Variants in NCKAP5 observed in about 807,000 individuals in gnomAD.
NCKAP5 encodes the protein nck-associated protein 5.
In NCKAP5, 92 loss-of-function variants were observed where a neutral mutation model predicts 167.0. The observed-to-expected ratio is 0.55, with a 90% CI of 0.47 to 0.66. The LOEUF is 0.66. Among genes scored for constraint, NCKAP5 ranks in the 30% least tolerant of loss-of-function variants. The pLI is 0.00. For missense variants in NCKAP5, 2,378 were observed against 2,315.0 expected, an observed-to-expected ratio of 1.03 and a Z score of -0.56; for synonymous variants, 891 against 877.4, an observed-to-expected ratio of 1.02 and a Z score of -0.27.
At chr2:133,631,733 G>A in the NCKAP5 span, among the ~76,000 whole-genome samples, 1 of 152,188 alleles carries the variant, frequency 6.6e-6, no homozygotes, top group Admixed American at 6.5e-5. Flanking sequence ...AGGTAGACTA[G>A]TCCCCTGCAG....
rs183300306 is a variant in NCKAP5, at chr2:132,815,371, C to G, written c.808-18642G>C. Among the ~76,000 whole-genome samples the G allele has an allele frequency of 1.4e-3, 215 of 152,246 alleles. 1 individual carries two copies. The highest frequency in any genetic ancestry group is 4.9e-3 in the African/African-American group (204 of 41,542). On this transcript the variant is annotated intron_variant, in intron 11 of 19. Coordinates refer to ENST00000409261, the MANE Select transcript of NCKAP5 (RefSeq NM_207363.3). ...TATGGGGAAGTTCAGATTCCCAAGA[C>G]TAATTATTATTGTAAAATTAAGGGT...
At chr2:133,670,674 C>A in the NCKAP5 span, among the ~76,000 whole-genome samples, 1 of 152,142 alleles carries the variant, frequency 6.6e-6, no homozygotes, top group African/African-American at 2.4e-5. Context: ...TATAGGGACT[C>A]CATTTCATCA....
chr2:133,252,583 C>T (rs1368151783), intron 4 of NCKAP5, among the ~76,000 whole-genome samples: 1 of 152,132 alleles, frequency 6.6e-6, no homozygotes, highest in Non-Finnish European at 1.5e-5. Context: ...CCCTTTTAAA[C>T]TCCAATGGCA....
intron 3 of NCKAP5, among the ~76,000 whole-genome samples, chr2:133,393,010 A>C (rs1687515352): frequency 6.6e-6 from 1 of 152,186 alleles, no homozygotes; most frequent in African/African-American, 2.4e-5. Flanking sequence ...TCAGTACAGA[A>C]GCCAGGATAC....
At chr2:133,080,717 T>C (rs2080773994) in intron 6 of NCKAP5, among the ~76,000 whole-genome samples, 1 of 152,172 alleles carries the variant, frequency 6.6e-6, no homozygotes, top group Non-Finnish European at 1.5e-5. Flanking sequence ...TGAGGCATGG[T>C]GTCTACTCTC....
chr2:133,119,702 A>G (rs2082192931), intron 6 of NCKAP5, among the ~76,000 whole-genome samples: 1 of 152,134 alleles, frequency 6.6e-6, no homozygotes, highest in Non-Finnish European at 1.5e-5. Context: ...TTTCTATTAC[A>G]GATTATAAAC....
chr2:133,429,317 T>C (rs1367541719), intron 3 of NCKAP5, among the ~76,000 whole-genome samples: 1 of 152,134 alleles, frequency 6.6e-6, no homozygotes, highest in Non-Finnish European at 1.5e-5. Flanking sequence ...CCATTTTTAT[T>C]TTGGATTCAT....
intron 15 of NCKAP5, among the ~76,000 whole-genome samples, chr2:132,779,079 A>G (rs757523016): frequency 6.6e-6 from 1 of 152,210 alleles, no homozygotes; most frequent in Non-Finnish European, 1.5e-5. Flanking sequence ...TGGAAAAATC[A>G]TCATATGGAT....
At chr2:133,387,944 C>A (rs1336270397) in intron 3 of NCKAP5, among the ~76,000 whole-genome samples, 1 of 152,164 alleles carries the variant, frequency 6.6e-6, no homozygotes, top group African/African-American at 2.4e-5. Flanking sequence ...AGCCATTCAT[C>A]CAATCTTTTT....
intron 16 of NCKAP5, among the ~76,000 whole-genome samples, chr2:132,766,278 CAAAAAAAAAAAAA>C (rs70973405): frequency 1.0e-4 from 4 of 38,408 alleles, no homozygotes; most frequent in Non-Finnish European, 1.5e-4. Flanking sequence ...GATTCTGTCT[CAAAAAAAAAAAAA>C]AAAAAAAAAA....
intron 3 of NCKAP5, among the ~76,000 whole-genome samples, chr2:133,423,016 C>CAAAT (rs1269803372): frequency 1.3e-5 from 2 of 152,108 alleles, no homozygotes; most frequent in African/African-American, 4.8e-5. Flanking sequence ...AAAACACAGC[C>CAAAT]TGGGGATCTC....
chr2:133,654,375 C>G, the NCKAP5 span, among the ~76,000 whole-genome samples: 6 of 77,268 alleles, frequency 7.8e-5, no homozygotes, highest in Non-Finnish European at 1.6e-4. Flanking sequence ...GAGACTCTAT[C>G]TCAAATAAAT....
At chr2:133,313,536 C>CCTGTA (rs1681397735) in intron 3 of NCKAP5, among the ~76,000 whole-genome samples, 1 of 152,134 alleles carries the variant, frequency 6.6e-6, no homozygotes, top group South Asian at 2.1e-4. Context: ...TTCTCAGCAG[C>CCTGTA]CTGTACTATT....
chr2:133,177,404 T>C (rs1157209462), intron 5 of NCKAP5, among the ~76,000 whole-genome samples: 1 of 151,782 alleles, frequency 6.6e-6, no homozygotes, highest in African/African-American at 2.4e-5. Context: ...AATGTGGGGG[T>C]GTGGGGAGGG....
intron 9 of NCKAP5, among the ~76,000 whole-genome samples, chr2:132,870,527 A>G (rs908014840): frequency 2.6e-5 from 4 of 152,108 alleles, no homozygotes; most frequent in African/African-American, 9.7e-5. Flanking sequence ...TGATTGGGCC[A>G]TGGTCCTTGA....
chr2:132,986,587 T>A (rs1375184060), intron 7 of NCKAP5, among the ~76,000 whole-genome samples: 1 of 152,174 alleles, frequency 6.6e-6, no homozygotes, highest in Non-Finnish European at 1.5e-5. Flanking sequence ...GTACATATGT[T>A]CATGAAAATA....
At chr2:133,585,834 G>T in the NCKAP5 span, among the ~76,000 whole-genome samples, 1 of 152,270 alleles carries the variant, frequency 6.6e-6, no homozygotes, top group Non-Finnish European at 1.5e-5. Flanking sequence ...TGATCTGTTG[G>T]ACCTCAAAGT....
intron 3 of NCKAP5, among the ~76,000 whole-genome samples, chr2:133,505,434 T>C (rs986624902): frequency 9.2e-5 from 14 of 152,202 alleles, no homozygotes; most frequent in African/African-American, 3.4e-4. Context: ...TCCTTCCATG[T>C]ACAGACAAAG....
At chr2:133,190,500 C>T (rs533588439) in intron 5 of NCKAP5, among the ~76,000 whole-genome samples, 1 of 152,174 alleles carries the variant, frequency 6.6e-6, no homozygotes, top group Non-Finnish European at 1.5e-5. Flanking sequence ...GGAGGCATCA[C>T]TCTACCCAAC....
Sources: allele counts gnomAD v4.1 joint callset (sites outside exome capture counted in the v4.1 genomes callset), GRCh38; gene constraint gnomAD v4.1.1; transcripts MANE v1.5; gene names NCBI Gene and HGNC (gene_info 2026-07-23, HGNC 2026-07-21).